ARHGAP25: variants seen among roughly 807,000 people sequenced by gnomAD.
The protein encoded by ARHGAP25 is Rho GTPase activating protein 25, also known as rho GTPase-activating protein 25.
Under a neutral mutation model 71.0 loss-of-function variants are expected in ARHGAP25, and 34 were observed. That is an observed-to-expected ratio of 0.48 (90% CI 0.36 to 0.64). ARHGAP25 has a LOEUF of 0.64. ARHGAP25 is among the 30% of genes least tolerant of loss of function. The pLI is 0.00. For synonymous variants in ARHGAP25, 282 were observed against 296.5 expected, an observed-to-expected ratio of 0.95 and a Z score of 0.50; for missense variants, 706 against 805.1, an observed-to-expected ratio of 0.88 and a Z score of 1.49.
intron 4 of ARHGAP25, among the ~76,000 whole-genome samples, chr2:68,793,702 G>C (rs1417027238): frequency 9.2e-5 from 14 of 152,236 alleles, no homozygotes. Context: ...TTGAAGTCAA[G>C]TAATATGATG....
intron 2 of ARHGAP25, among the ~76,000 whole-genome samples, chr2:68,778,993 T>C (rs1325977861): frequency 6.6e-6 from 1 of 152,212 alleles, no homozygotes; most frequent in Admixed American, 6.5e-5. Context: ...GAGAGTTGTT[T>C]GTCAGGGAAA....
At chr2:68,735,407 A>G in intron 1 of ARHGAP25, 147 bp downstream of exon 1, 5 of 806,970 alleles carry the variant, frequency 6.2e-6, no homozygotes, top group East Asian at 2.6e-5. Flanking sequence ...TTAAGTTGGC[A>G]TGCCAGGTCC....
At chr2:68,824,465 G>T (rs553043901) in intron 10 of ARHGAP25, among the ~76,000 whole-genome samples, 2 of 152,218 alleles carry the variant, frequency 1.3e-5, no homozygotes. Flanking sequence ...AGGAATGGCC[G>T]GGCGTGGTGG....
chr2:68,821,092 C>CTTTTT (rs34119311), intron 9 of ARHGAP25, among the ~76,000 whole-genome samples: 381 of 99,372 alleles, frequency 3.8e-3, no homozygotes, highest in African/African-American at 6.3e-3. Context: ...CTTTTTCTTT[C>CTTTTT]TTTTTTTTTT....
intron 4 of ARHGAP25, among the ~76,000 whole-genome samples, chr2:68,796,954 A>G (rs1014516165): frequency 1.3e-5 from 2 of 152,152 alleles, no homozygotes; most frequent in Admixed American, 6.5e-5. Context: ...TCAAGTTTCA[A>G]TGGGCTGTGT....
chr2:68,743,329 A>ACAAGTGGGTTACAGCATTGC (rs74743599), intron 1 of ARHGAP25, among the ~76,000 whole-genome samples: 116,690 of 151,972 alleles, frequency 0.77, 45,093 homozygotes, highest in Non-Finnish European at 0.79. Flanking sequence ...GATCACTTAC[A>ACAAGTGGGTTACAGCATTGC]TGTGGGTTAC....
chr2:68,725,134 G>C (rs1674853325), intron 2 of ARHGAP25, among the ~76,000 whole-genome samples: 1 of 152,084 alleles, frequency 6.6e-6, no homozygotes, highest in Non-Finnish European at 1.5e-5. Flanking sequence ...CATGAGGCTG[G>C]TGCCTTGCTC....
At chr2:68,713,730 C>T (rs1319923097) in intron 2 of ARHGAP25, among the ~76,000 whole-genome samples, 2 of 152,062 alleles carry the variant, frequency 1.3e-5, no homozygotes, top group African/African-American at 4.8e-5. Flanking sequence ...TTATTGAAGG[C>T]CTTTTCTGCA....
At chr2:68,824,478 C>T (rs994597062) in intron 10 of ARHGAP25, among the ~76,000 whole-genome samples, 2 of 152,194 alleles carry the variant, frequency 1.3e-5, no homozygotes, top group African/African-American at 4.8e-5. Flanking sequence ...CGTGGTGGCT[C>T]ACGCTTGTAA....
rs143574274 is a variant in ARHGAP25, at chr2:68,822,387, T to A, written c.1248T>A (p.Asp416Glu). ...TTSPTGQQPS[D>E]AFPEDSSKVP... ...GCCCCACCGGACAGCAGCCGAGCGA[T>A]GCGTTTCCGGAGGACAGCAGCAAAG... is the stretch of plus-strand genomic sequence containing the variant. Residue 416 changes from aspartate (D) to glutamate (E), a missense_variant, in exon 10 of 11, where the codon GAT becomes GAA. Coordinates refer to ENST00000409202, the MANE Select transcript of ARHGAP25 (RefSeq NM_001007231.3). 2.0e-4 allele frequency: 330 copies of A among 1,614,112 alleles called. 1 individual carries two copies. The highest frequency in any genetic ancestry group is 6.7e-4 in the Admixed American group (40 of 60,024).
chr2:68,734,676 C>T (rs573495256), upstream of ARHGAP25, among the ~76,000 whole-genome samples: 17 of 152,130 alleles, frequency 1.1e-4, no homozygotes, highest in South Asian at 3.5e-3. Context: ...TCAAGCATTT[C>T]CAAAAACCAT....
intron 3 of ARHGAP25, 95 bp downstream of exon 3, chr2:68,782,415 A>G (rs948464652): frequency 8.8e-7 from 1 of 1,140,506 alleles, no homozygotes; most frequent in Non-Finnish European, 1.3e-6. Context: ...TCGGAGAGTA[A>G]TTCAACTAAC....
intron 4 of ARHGAP25, among the ~76,000 whole-genome samples, chr2:68,797,401 A>G (rs1231655865): frequency 6.6e-6 from 1 of 152,108 alleles, no homozygotes; most frequent in African/African-American, 2.4e-5. Flanking sequence ...CATCCTGGCT[A>G]TGGCAGCCAA....
chr2:68,789,508 A>T (rs774655426), intron 4 of ARHGAP25, among the ~76,000 whole-genome samples: 17 of 152,308 alleles, frequency 1.1e-4, no homozygotes, highest in Non-Finnish European at 2.5e-4. Flanking sequence ...AAGAAAGGGG[A>T]CATTAGCATT....
chr2:68,712,358 G>A (rs181917860), intron 2 of ARHGAP25, among the ~76,000 whole-genome samples: 2 of 152,060 alleles, frequency 1.3e-5, no homozygotes, highest in Admixed American at 1.3e-4. Context: ...TTTTTGACGG[G>A]TTTCTTTCTT....
rs553716145 is a variant in ARHGAP25, at chr2:68,723,306, C to T, written c.-18+12608C>T. 2.4e-4 allele frequency among the ~76,000 whole-genome samples: 36 copies of T among 152,310 alleles called. No homozygotes were observed. The South Asian group carries it at 5.6e-3, about 24-fold the overall frequency. On this transcript the variant is annotated intron_variant and NMD_transcript_variant, in intron 2 of 7. Transcript: ENST00000463483. ...TTTCAAGAAAGTGAAGTTCCCTAAT[C>T]GGGGGCAGGGAGCCTATAAAGTTAG...
intron 1 of ARHGAP25, among the ~76,000 whole-genome samples, chr2:68,765,826 G>C (rs1677090641): frequency 6.6e-6 from 1 of 152,256 alleles, no homozygotes; most frequent in Admixed American, 6.5e-5. Flanking sequence ...ATTATTCATT[G>C]GTCACTTTAA....
chr2:68,783,640 T>A (rs539949840), intron 3 of ARHGAP25, among the ~76,000 whole-genome samples: 96 of 152,130 alleles, frequency 6.3e-4, no homozygotes, highest in African/African-American at 2.3e-3. Context: ...ATTTTTGTAT[T>A]TTTAGTAGAG....
In ARHGAP25 at chr2:68,767,272, G is replaced by A. The variant is rs1428164383; in HGVS notation, c.62-7949G>A. 1.3e-5 allele frequency among the ~76,000 whole-genome samples: 2 copies of A among 152,008 alleles called. No individual in the cohort carries two copies. The highest frequency in any genetic ancestry group is 1.3e-4 in the Admixed American group (2 of 15,268). On this transcript the variant is annotated intron_variant, in intron 1 of 10. Transcript: ENST00000409202. The surrounding 1 kb of genome is among the most constrained non-coding windows in gnomAD (Gnocchi z 4.6). ...GGGTGCTTTTCAATGGGGGGGTGGC[G>A]TTTGCTTTGAAGACAGAAAAGGGAT...
Sources: allele counts gnomAD v4.1 joint callset (sites outside exome capture counted in the v4.1 genomes callset), GRCh38; gene constraint gnomAD v4.1.1; non-coding constraint Gnocchi (gnomAD v3.1); transcripts MANE v1.5; gene names NCBI Gene and HGNC (gene_info 2026-07-23, HGNC 2026-07-21).